Variants in WDR64 observed in about 807,000 individuals in gnomAD.
WDR64 encodes WD repeat-containing protein 64.
A neutral mutation model predicts 139.3 loss-of-function variants in WDR64; 112 were observed. The observed-to-expected ratio is 0.80, with a 90% CI of 0.69 to 0.94. The LOEUF is 0.94. WDR64 is among the 40% of genes least tolerant of loss of function. WDR64 has a pLI of 0.00. For synonymous variants in WDR64, 444 were observed against 437.7 expected (o/e 1.01, Z -0.18); for missense variants, 1,206 against 1,293.1 (o/e 0.93, Z 1.03).
At chr1:241,700,902 G>A (rs74763665) in intron 8 of WDR64, among the ~76,000 whole-genome samples, 479 of 152,208 alleles carry the variant, frequency 3.1e-3, no homozygotes, top group Non-Finnish European at 4.8e-3. Context: ...TTTGATTTCC[G>A]TGTGCTGTCA....
intron 10 of WDR64, among the ~76,000 whole-genome samples, chr1:241,731,021 C>A (rs554410860): frequency 6.8e-4 from 104 of 152,232 alleles, no homozygotes; most frequent in African/African-American, 2.5e-3. Flanking sequence ...CACAAACATT[C>A]TATTTGTAGG....
chr1:241,707,182 T>C (rs760350257), intron 8 of WDR64, among the ~76,000 whole-genome samples: 4 of 152,214 alleles, frequency 2.6e-5, no homozygotes, highest in Admixed American at 6.5e-5. Context: ...TCTGTTCTTG[T>C]AGTTCACTGA....
At chr1:241,687,102 C>A (rs1392304790) in intron 7 of WDR64, among the ~76,000 whole-genome samples, 1 of 152,024 alleles carries the variant, frequency 6.6e-6, no homozygotes, top group Non-Finnish European at 1.5e-5. Flanking sequence ...GTCAGGAGTT[C>A]GAGACCAGCC....
chr1:241,732,580 G>A (rs1669124846), intron 10 of WDR64, among the ~76,000 whole-genome samples: 1 of 152,182 alleles, frequency 6.6e-6, no homozygotes, highest in South Asian at 2.1e-4. Flanking sequence ...AACACTTTGG[G>A]AGGCTGAGGT....
At position 241,735,533 on chromosome 1, in the gene WDR64, C is replaced by CCCTTTTTTTTT. The variant is rs1237771842; in HGVS notation, c.1195-2830_1195-2829insCCTTTTTTTTT. On this transcript the variant is annotated intron_variant, in intron 10 of 27. Coordinates refer to ENST00000437684, the MANE Select transcript of WDR64 (RefSeq NM_001367482.1). ...GTTCTCTGTCTCTCTCTCTCTCTCT[C>CCCTTTTTTTTT]TTTTTTTTTTTTTTTTTTTGATACG... 3.4e-4 allele frequency among the ~76,000 whole-genome samples: 35 copies of CCCTTTTTTTTT among 103,504 alleles called. 1 individual carries two copies. The highest frequency in any genetic ancestry group is 8.7e-4 in the East Asian group (3 of 3,448). 67.9% of individuals were successfully genotyped at this position (103,504 alleles called of 152,430 possible).
intron 10 of WDR64, among the ~76,000 whole-genome samples, chr1:241,724,421 C>A (rs1668723536): frequency 6.6e-6 from 1 of 152,082 alleles, no homozygotes. Flanking sequence ...ATAATCACAT[C>A]TATGAAGCAA....
In WDR64 at chr1:241,744,527, C is replaced by T. The variant is rs1284688180; in HGVS notation, c.1594+11C>T. 1 of 1,611,818 alleles carries T rather than the reference C, an allele frequency of 6.2e-7. No homozygotes were observed. Among genetic ancestry groups the T allele is most frequent in the African/African-American group, 1.3e-5 (1 of 74,740 alleles). On this transcript the variant is annotated intron_variant, in intron 13 of 27. Transcript: ENST00000437684. ...CAGGAGCGTATAATGGTCAGACTAA[C>T]ATCCAGAATGTGGCGTCCCTGCTTT...
At chr1:241,689,392 A>G (rs989598960) in intron 8 of WDR64, among the ~76,000 whole-genome samples, 1 of 152,244 alleles carries the variant, frequency 6.6e-6, no homozygotes, top group Non-Finnish European at 1.5e-5. Context: ...AAAAAGATGC[A>G]GAAAGATATA....
rs75707891 is a variant in WDR64, at chr1:241,746,393, A to G, written c.1594+1877A>G. On this transcript the variant is annotated intron_variant, in intron 13 of 27. Transcript: ENST00000437684. Reference sequence around the variant, plus strand: ...ATGACCTAGAAATAGGCATTCCACAACTGTACTGTTTATCATCCCTCTGGC... The same window carrying G: ...ATGACCTAGAAATAGGCATTCCACAGCTGTACTGTTTATCATCCCTCTGGC... 7.1e-3 allele frequency among the ~76,000 whole-genome samples: 1,078 copies of G among 152,260 alleles called. 16 individuals carry two copies. Among genetic ancestry groups the G allele is most frequent in the African/African-American group, 0.025 (1,037 of 41,532 alleles).
At chr1:241,675,000 C>A in intron 4 of WDR64, among the ~76,000 whole-genome samples, 1 of 32,766 alleles carries the variant, frequency 3.1e-5, no homozygotes, top group South Asian at 1.1e-3. Context: ...TTTCTCCCTC[C>A]CTCTCTTCCT....
intron 10 of WDR64, among the ~76,000 whole-genome samples, chr1:241,735,013 A>T (rs78476165): frequency 0.16 from 23,931 of 152,096 alleles, 2,180 homozygotes; most frequent in East Asian, 0.28. Flanking sequence ...ATTGGAAGGG[A>T]GTGCAACGAA....
Position 241,708,697 on chromosome 1 carries a change from T to G in WDR64, c.975-3105T>G, listed in dbSNP as rs1042346443. On this transcript the variant is annotated intron_variant, in intron 8 of 27. Coordinates refer to ENST00000437684, the MANE Select transcript of WDR64 (RefSeq NM_001367482.1). ...AGTTAGGGCTGAGGTCCATGGTTTT[T>G]TTTTTTGTTTTTTTGTTTTTTTTTT... 4.9e-4 allele frequency among the ~76,000 whole-genome samples: 34 copies of G among 68,814 alleles called. 1 individual carries two copies. The highest frequency in any genetic ancestry group is 5.6e-3 in the Middle Eastern group (1 of 180). 45.1% of individuals were successfully genotyped at this position (68,814 alleles called of 152,430 possible). A position where few individuals can be genotyped will look rare whatever the true frequency, so the allele number is the denominator to read the frequency against.
Position 241,718,224 on chromosome 1 carries a change from T to C in WDR64, c.1055-5073T>C, listed in dbSNP as rs1002675277. Among the ~76,000 whole-genome samples, 6 of 152,118 alleles carry C rather than the reference T, an allele frequency of 3.9e-5. No homozygotes were observed. The South Asian group carries it at 1.0e-3, about 26-fold the overall frequency. On this transcript the variant is annotated intron_variant, in intron 9 of 27. Coordinates refer to ENST00000437684, the MANE Select transcript of WDR64 (RefSeq NM_001367482.1). ...GAGAACTACTAGGCTCACCAGATAA[T>C]GGGTAAACAGATAGGTAAACAGACA...
At chr1:241,748,448 G>C (rs1669847351) in intron 13 of WDR64, among the ~76,000 whole-genome samples, 1 of 152,238 alleles carries the variant, frequency 6.6e-6, no homozygotes, top group Non-Finnish European at 1.5e-5. Flanking sequence ...CATGACAAAG[G>C]GGCAAGGCAG....
At chr1:241,712,458 G>A (rs1390617902) in intron 9 of WDR64, among the ~76,000 whole-genome samples, 1 of 152,160 alleles carries the variant, frequency 6.6e-6, no homozygotes, top group African/African-American at 2.4e-5. Flanking sequence ...GTCGGGGGAA[G>A]GTAGGGGACT....
chr1:241,718,789 C>T (rs369747552), intron 9 of WDR64, among the ~76,000 whole-genome samples: 95 of 152,166 alleles, frequency 6.2e-4, no homozygotes, highest in African/African-American at 1.8e-3. Flanking sequence ...CTCTTCCTGG[C>T]TTGTAGACAT....
intron 10 of WDR64, among the ~76,000 whole-genome samples, chr1:241,726,439 T>C (rs1251262077): frequency 6.6e-6 from 1 of 152,100 alleles, no homozygotes; most frequent in African/African-American, 2.4e-5. Flanking sequence ...TGCACAACTA[T>C]TTAAATTGAC....
At chr1:241,714,609 A>T (rs943012165) in intron 9 of WDR64, among the ~76,000 whole-genome samples, 2 of 152,080 alleles carry the variant, frequency 1.3e-5, no homozygotes, top group Non-Finnish European at 1.5e-5. Context: ...TTTCAAGTAC[A>T]CTGTGCATTC....
intron 21 of WDR64, among the ~76,000 whole-genome samples, chr1:241,777,248 T>G (rs1285299879): frequency 1.3e-5 from 2 of 151,996 alleles, no homozygotes; most frequent in Admixed American, 1.3e-4. Flanking sequence ...ATGCTTTTTT[T>G]TTCCTGTAGA....
Sources: allele counts gnomAD v4.1 joint callset (sites outside exome capture counted in the v4.1 genomes callset), GRCh38; gene constraint gnomAD v4.1.1; transcripts MANE v1.5; gene names NCBI Gene and HGNC (gene_info 2026-07-23, HGNC 2026-07-21).